The following NEDD4 variants were observed in gnomAD, a reference collection of about 807,000 sequenced individuals.
NEDD4 encodes E3 ubiquitin-protein ligase NEDD4.
Under a neutral mutation model 144.9 loss-of-function variants are expected in NEDD4, and 99 were observed. The observed-to-expected ratio is 0.68, with a 90% CI of 0.58 to 0.81. The LOEUF is 0.81. Ranked by LOEUF, NEDD4 falls within the 30% of genes least tolerant of loss-of-function variation. The pLI is 0.00. For missense variants in NEDD4, 985 were observed against 1,065.9 expected, an observed-to-expected ratio of 0.92 and a Z score of 1.06; for synonymous variants, 318 against 350.6, an observed-to-expected ratio of 0.91 and a Z score of 1.04.
At chr15:55,831,140 A>C (rs1316913589) in intron 27 of NEDD4, among the ~76,000 whole-genome samples, 2 of 152,116 alleles carry the variant, frequency 1.3e-5, no homozygotes, top group African/African-American at 4.8e-5. Context: ...GGCTGGTCTC[A>C]AACCCCTGAC....
At chr15:55,844,440 G>A (rs149306778) in intron 18 of NEDD4, among the ~76,000 whole-genome samples, 33 of 152,258 alleles carry the variant, frequency 2.2e-4, no homozygotes, top group Non-Finnish European at 4.0e-4. Context: ...AGAGGGACCT[G>A]TGAAGGAGCA....
At chr15:55,873,362 T>C (rs1248260998) in intron 6 of NEDD4, among the ~76,000 whole-genome samples, 1 of 152,218 alleles carries the variant, frequency 6.6e-6, no homozygotes, top group Non-Finnish European at 1.5e-5. Flanking sequence ...TTTTCTTTGT[T>C]TCCTATCAAA....
intron 5 of NEDD4, among the ~76,000 whole-genome samples, chr15:55,883,445 G>A (rs1235277376): frequency 2.0e-5 from 3 of 151,986 alleles, no homozygotes; most frequent in Non-Finnish European, 4.4e-5. Context: ...ATGCACTCTG[G>A]GCCCAAGGTA....
chr15:55,837,169 C>G (rs550684469), intron 24 of NEDD4, among the ~76,000 whole-genome samples: 37 of 152,190 alleles, frequency 2.4e-4, no homozygotes. Flanking sequence ...GTGGCTCACA[C>G]TGGTAACCCC....
intron 5 of NEDD4, chr15:55,915,167 G>T: frequency 1.2e-6 from 1 of 827,024 alleles, no homozygotes; most frequent in Non-Finnish European, 1.8e-6. Context: ...ACAAAATACT[G>T]CTAGCTAAGG....
chr15:55,901,527 T>C (rs910344690), intron 5 of NEDD4, among the ~76,000 whole-genome samples: 2 of 152,162 alleles, frequency 1.3e-5, no homozygotes, highest in Non-Finnish European at 2.9e-5. Flanking sequence ...GTAAAAAGAA[T>C]TGTGGCTTAA....
intron 21 of NEDD4, among the ~76,000 whole-genome samples, chr15:55,839,139 C>T (rs2033349758): frequency 6.6e-6 from 1 of 151,852 alleles, no homozygotes; most frequent in African/African-American, 2.4e-5. Flanking sequence ...AGTGATCCTC[C>T]TACCTCAGCC....
At chr15:55,876,515 A>C (rs2035000030) in intron 5 of NEDD4, among the ~76,000 whole-genome samples, 1 of 152,230 alleles carries the variant, frequency 6.6e-6, no homozygotes, top group East Asian at 1.9e-4. Context: ...ATATTGTTGC[A>C]AGACTTATAT....
At chr15:55,857,957 A>C (rs562669086) in intron 11 of NEDD4, among the ~76,000 whole-genome samples, 1 of 152,280 alleles carries the variant, frequency 6.6e-6, no homozygotes, top group East Asian at 1.9e-4. Context: ...CAAAAGGTAC[A>C]AACAATATAT....
At chr15:55,865,139 A>C (rs1205406564) in intron 8 of NEDD4, among the ~76,000 whole-genome samples, 1 of 144,802 alleles carries the variant, frequency 6.9e-6, no homozygotes, top group Non-Finnish European at 1.5e-5. Context: ...CAGAGGTTGC[A>C]GTGAGCTGAG....
chr15:55,866,678 G>A (rs975091534), intron 8 of NEDD4, among the ~76,000 whole-genome samples: 31 of 152,044 alleles, frequency 2.0e-4, no homozygotes, highest in Non-Finnish European at 8.8e-5. Flanking sequence ...TCTCTTAAAT[G>A]TCTGCTTAAT....
At chr15:55,971,911 C>T (rs2037617149) in intron 1 of NEDD4, among the ~76,000 whole-genome samples, 2 of 152,104 alleles carry the variant, frequency 1.3e-5, no homozygotes, top group Admixed American at 6.5e-5. Context: ...AAAGCAGCTC[C>T]AATACATCTG....
chr15:55,838,321 G>C (rs1375059603), intron 22 of NEDD4, 141 bp from the exon 23 acceptor site: 5 of 731,840 alleles, frequency 6.8e-6, no homozygotes, highest in Admixed American at 3.0e-5. Context: ...TAAAATACTA[G>C]TTTTACTAAA....
Position 55,840,630 on chromosome 15 carries a change from C to T in NEDD4, c.1936G>A (p.Val646Ile). 6.2e-7 allele frequency: 1 copy of T among 1,614,066 alleles called. No individual in the cohort carries two copies. Among genetic ancestry groups the T allele is most frequent in the South Asian group, 1.1e-5 (1 of 91,074 alleles). Residue 646 changes from valine to isoleucine, a missense_variant, in exon 20 of 29, where the codon GTT becomes ATT. By Grantham distance (29) the Val-to-Ile change is conservative. Transcript: ENST00000435532. ...CCATCCAACAGTTTGCCATGATAAACTGCCATTCCAGCTACCCGACCAATA... is the reference window on the plus strand; with the variant it reads ...CCATCCAACAGTTTGCCATGATAAATTGCCATTCCAGCTACCCGACCAATA... ...KFIGRVAGMA[V>I]YHGKLLDGFF...
chr15:55,834,306 A>T lies in NEDD4; in HGVS notation c.2263-20T>A. 6.4e-7 allele frequency: 1 copy of T among 1,552,194 alleles called. No individual in the cohort carries two copies. The highest frequency in any genetic ancestry group is 1.7e-5 in the Admixed American group (1 of 58,366). Reference sequence around the variant, plus strand: ...GAATCCCTAGAAAAAAGATGTATTTAAAAACTTGATGGGCAGGGCCAATGG... The same window carrying T: ...GAATCCCTAGAAAAAAGATGTATTTTAAAACTTGATGGGCAGGGCCAATGG... On this transcript the variant is annotated intron_variant, in intron 24 of 28. Coordinates refer to ENST00000435532, the MANE Select transcript of NEDD4 (RefSeq NM_006154.4).
intron 1 of NEDD4, among the ~76,000 whole-genome samples, chr15:55,988,961 C>T (rs1406761638): frequency 2.0e-5 from 3 of 152,104 alleles, no homozygotes; most frequent in African/African-American, 2.4e-5. Context: ...ATAGGACGGG[C>T]GCGGTGCCTC....
chr15:55,871,119 G>A (rs1407869065), intron 7 of NEDD4, among the ~76,000 whole-genome samples: 2 of 152,176 alleles, frequency 1.3e-5, no homozygotes, highest in South Asian at 2.1e-4. Context: ...TGAGTAGTCA[G>A]TGAAATCCTG....
intron 11 of NEDD4, among the ~76,000 whole-genome samples, chr15:55,856,922 C>A (rs2034219257): frequency 6.6e-6 from 1 of 152,166 alleles, no homozygotes; most frequent in Non-Finnish European, 1.5e-5. Flanking sequence ...CACTGTAGTA[C>A]TGTTTATAAT....
intron 5 of NEDD4, among the ~76,000 whole-genome samples, chr15:55,923,073 A>T (rs1477376407): frequency 6.6e-6 from 1 of 151,786 alleles, no homozygotes; most frequent in East Asian, 2.0e-4. Flanking sequence ...AATCCCAGCT[A>T]CTTGGAAGGC....
Sources: allele counts gnomAD v4.1 joint callset (sites outside exome capture counted in the v4.1 genomes callset), GRCh38; gene constraint gnomAD v4.1.1; transcripts MANE v1.5; gene names NCBI Gene and HGNC (gene_info 2026-07-23, HGNC 2026-07-21).